Variants in ATP2B2 observed in about 807,000 individuals in gnomAD.
ATP2B2 encodes ATPase plasma membrane Ca2+ transporting 2.
In ATP2B2, 15 loss-of-function variants were observed where a neutral mutation model predicts 120.0. That is an observed-to-expected ratio of 0.12 (90% CI 0.08 to 0.19). The LOEUF is 0.19. ATP2B2 is among the 10% of genes least tolerant of loss of function. The pLI, the probability that ATP2B2 is intolerant of heterozygous loss-of-function variation, is 1.00. For missense variants in ATP2B2, 1,045 were observed against 1,719.8 expected (o/e 0.61, Z 6.94); for synonymous variants, 694 against 700.3 (o/e 0.99, Z 0.14).
At chr3:10,443,066 C>T (rs918511098) in intron 2 of ATP2B2, among the ~76,000 whole-genome samples, 1 of 152,236 alleles carries the variant, frequency 6.6e-6, no homozygotes, top group Non-Finnish European at 1.5e-5. Context: ...ACGGTCCCAG[C>T]TCATGCCTAG....
At chr3:10,593,093 T>A (rs115544802) in intron 2 of ATP2B2, among the ~76,000 whole-genome samples, 1 of 152,232 alleles carries the variant, frequency 6.6e-6, no homozygotes, top group Non-Finnish European at 1.5e-5. Context: ...GCCCATTTGC[T>A]ATCTCTTCTA....
intron 2 of ATP2B2, among the ~76,000 whole-genome samples, chr3:10,447,790 C>T (rs2063890982): frequency 6.6e-6 from 1 of 152,206 alleles, no homozygotes; most frequent in Admixed American, 6.5e-5. Flanking sequence ...TTTTAAGCCT[C>T]GTGCCAGAAT....
rs369748322 is a variant in ATP2B2 at position 10,691,589 on chromosome 3, C to T, written c.-460+16326G>A. Among the ~76,000 whole-genome samples, 7 of 152,210 alleles carry T rather than the reference C, an allele frequency of 4.6e-5. No homozygotes were observed. In the East Asian group the frequency reaches 1.3e-3, roughly 29 times the overall value. On this transcript the variant is annotated intron_variant, in intron 1 of 21. Transcript: ENST00000646379. ...CTTCTGTTTCTCCACGTCAGCTCCC[C>T]GACTCTGGGCCTGACAAAGCCAGAA...
At chr3:10,632,397 G>A (rs1389165651) in intron 1 of ATP2B2, among the ~76,000 whole-genome samples, 1 of 152,198 alleles carries the variant, frequency 6.6e-6, no homozygotes, top group East Asian at 1.9e-4. Flanking sequence ...CCCCGGGGCA[G>A]GCCAGTATCC....
intron 2 of ATP2B2, among the ~76,000 whole-genome samples, chr3:10,571,968 A>G (rs1490113634): frequency 6.6e-6 from 1 of 152,162 alleles, no homozygotes; most frequent in African/African-American, 2.4e-5. Flanking sequence ...AAGGGGGTCA[A>G]CTTCCCCACC....
intron 1 of ATP2B2, among the ~76,000 whole-genome samples, chr3:10,473,280 A>C (rs2065081271): frequency 1.3e-5 from 2 of 152,214 alleles, no homozygotes; most frequent in African/African-American, 4.8e-5. Context: ...ACTGTATGCC[A>C]AGCATACTGT....
intron 1 of ATP2B2, among the ~76,000 whole-genome samples, chr3:10,679,762 C>A (rs1237000906): frequency 6.6e-6 from 1 of 152,144 alleles, no homozygotes; most frequent in Non-Finnish European, 1.5e-5. Context: ...TAATGAGCTG[C>A]AGAAAGATAT....
chr3:10,437,021 G>A (rs1296111495), intron 2 of ATP2B2, among the ~76,000 whole-genome samples: 1 of 152,156 alleles, frequency 6.6e-6, no homozygotes, highest in East Asian at 1.9e-4. Flanking sequence ...ATGTCCCAAA[G>A]GCACGTGGAG....
rs763137678 is a variant in ATP2B2, at chr3:10,350,125, A to G, written c.2391T>C (p.His797=). The change falls in exon 16 of 23, where the codon CAT becomes CAC. Residue 797 remains histidine (H), a synonymous_variant. Transcript: ENST00000360273. The stretch of plus-strand genomic sequence containing the variant: ...CCCAAGTCTTACCTTTAACCAGGGT[A>G]TGCTTGTCCGTTGGGGAGGAGCGAG... ...VLARSSPTDK[H]TLVKGIIDST... is the part of the protein sequence containing the mutation. The G allele has an allele frequency of 6.4e-7, 1 of 1,560,206 alleles. No individual in the cohort carries two copies.
In ATP2B2 at chr3:10,512,464, G is replaced by GCGCA. The variant is rs749056818; in HGVS notation, c.-320+21574_-320+21575insTGCG. ...TATTCCTGGGTGCTAAAGTGTGTGC[G>GCGCA]CACACACACACACACACACACACAC... On this transcript the variant is annotated intron_variant, in intron 3 of 21. Coordinates refer to the ATP2B2 transcript ENST00000646379. 2.5e-3 allele frequency among the ~76,000 whole-genome samples: 347 copies of GCGCA among 136,980 alleles called. 4 individuals carry two copies. The highest frequency in any genetic ancestry group is 5.3e-3 in the Admixed American group (73 of 13,662). The allele number at this position is 136,980 out of a possible 152,430, so 89.9% of individuals were successfully genotyped here. A position where few individuals can be genotyped will look rare whatever the true frequency, so the allele number is the denominator to read the frequency against.
chr3:10,388,755 G>T (rs1461672340), intron 5 of ATP2B2, among the ~76,000 whole-genome samples: 2 of 152,182 alleles, frequency 1.3e-5, no homozygotes. Flanking sequence ...AGTGTTATCA[G>T]TGTCCATGAT....
intron 2 of ATP2B2, among the ~76,000 whole-genome samples, chr3:10,417,954 C>T (rs568368757): frequency 2.6e-5 from 4 of 152,322 alleles, no homozygotes; most frequent in African/African-American, 7.2e-5. Flanking sequence ...TACCCTTTGT[C>T]CCCAGTGGCC....
intron 2 of ATP2B2, among the ~76,000 whole-genome samples, chr3:10,551,542 G>A (rs2067670424): frequency 6.6e-6 from 1 of 152,222 alleles, no homozygotes; most frequent in Admixed American, 6.5e-5. Context: ...GCAAAGTTTT[G>A]TATAAAGAAA....
At chr3:10,396,363 C>T (rs983827264) in intron 5 of ATP2B2, among the ~76,000 whole-genome samples, 15 of 152,354 alleles carry the variant, frequency 9.8e-5, no homozygotes, top group Admixed American at 7.2e-4. Context: ...GGGACCTGTC[C>T]AGGGTCACAG....
chr3:10,467,544 C>T (rs1040362718), intron 1 of ATP2B2, among the ~76,000 whole-genome samples: 3 of 152,122 alleles, frequency 2.0e-5, no homozygotes, highest in African/African-American at 7.2e-5. Context: ...TGAGTGGGCA[C>T]GTGGAAAAGT....
intron 2 of ATP2B2, among the ~76,000 whole-genome samples, chr3:10,609,178 C>T (rs780644143): frequency 3.9e-5 from 6 of 152,184 alleles, no homozygotes; most frequent in Non-Finnish European, 5.9e-5. Flanking sequence ...ACTGCACCCA[C>T]GTCCCTCACT....
At position 10,443,353 on chromosome 3, in the gene ATP2B2, G is replaced by A. The variant is rs140081178; in HGVS notation, c.199+5992C>T. Among the ~76,000 whole-genome samples, 340 of 151,964 alleles carry A rather than the reference G, an allele frequency of 2.2e-3. 1 individual carries two copies. The highest frequency in any genetic ancestry group is 3.5e-3 in the Non-Finnish European group (241 of 67,986). On this transcript the variant is annotated intron_variant, in intron 2 of 22. Coordinates refer to ENST00000360273, the MANE Select transcript of ATP2B2 (RefSeq NM_001001331.4). ...CCTTGGGGTCTTGGTGGACTGACCCGTGCCCTCTGGTTGAGCATGTGACCA... is the reference window on the plus strand; with the variant it reads ...CCTTGGGGTCTTGGTGGACTGACCCATGCCCTCTGGTTGAGCATGTGACCA...
chr3:10,520,538 C>T (rs528147910), intron 3 of ATP2B2, among the ~76,000 whole-genome samples: 37 of 152,114 alleles, frequency 2.4e-4, no homozygotes, highest in Non-Finnish European at 4.4e-4. Context: ...GGCACAATCT[C>T]GGCTCACTGC....
intron 1 of ATP2B2, among the ~76,000 whole-genome samples, chr3:10,455,473 G>A (rs547238902): frequency 6.6e-6 from 1 of 152,352 alleles, no homozygotes; most frequent in East Asian, 1.9e-4. Context: ...GTAAAGTGGG[G>A]ATGACCCTGT....
Sources: allele counts gnomAD v4.1 joint callset (sites outside exome capture counted in the v4.1 genomes callset), GRCh38; gene constraint gnomAD v4.1.1; transcripts MANE v1.5; gene names NCBI Gene and HGNC (gene_info 2026-07-23, HGNC 2026-07-21).